STXBP6: variants seen among roughly 807,000 people sequenced by gnomAD.
The protein encoded by STXBP6 is syntaxin binding protein 6.
A neutral mutation model predicts 26.9 loss-of-function variants in STXBP6; 21 were observed. The observed-to-expected ratio is 0.78, with a 90% CI of 0.55 to 1.12. The LOEUF (loss-of-function observed/expected upper bound fraction) is 1.12. STXBP6 is among the 50% of genes most tolerant of loss of function. STXBP6 has a pLI of 0.00. For synonymous variants in STXBP6, 97 were observed against 92.6 expected (o/e 1.05, Z -0.27); for missense variants, 232 against 257.9 (o/e 0.90, Z 0.69).
intron 2 of STXBP6, among the ~76,000 whole-genome samples, chr14:24,971,283 C>T (rs1369267494): frequency 6.6e-6 from 1 of 152,098 alleles, no homozygotes; most frequent in Non-Finnish European, 1.5e-5. Flanking sequence ...ATATGAAACA[C>T]CCATGTCTAG....
chr14:24,916,965 T>C (rs1017700928), intron 2 of STXBP6, among the ~76,000 whole-genome samples: 7 of 152,248 alleles, frequency 4.6e-5, no homozygotes, highest in Admixed American at 2.0e-4. Context: ...TCCTAGACTA[T>C]ACTTTCTTCC....
intron 2 of STXBP6, among the ~76,000 whole-genome samples, chr14:24,943,163 A>G (rs1472485570): frequency 2.0e-5 from 3 of 152,174 alleles, no homozygotes; most frequent in African/African-American, 7.2e-5. Flanking sequence ...TCTGTTTTCA[A>G]TCTCACCGTA....
chr14:24,841,886 T>C (rs191267214), intron 4 of STXBP6, among the ~76,000 whole-genome samples: 31 of 152,358 alleles, frequency 2.0e-4, no homozygotes, highest in African/African-American at 7.2e-4. Flanking sequence ...TCATTTCATT[T>C]GGGGTGAATT....
intron 1 of STXBP6, among the ~76,000 whole-genome samples, chr14:24,999,788 G>C (rs1045741066): frequency 1.3e-5 from 2 of 152,138 alleles, no homozygotes; most frequent in African/African-American, 4.8e-5. Flanking sequence ...CCAAAGCCCA[G>C]AGGGGAGACA....
intron 1 of STXBP6, among the ~76,000 whole-genome samples, chr14:24,985,929 C>G (rs1237545089): frequency 2.6e-5 from 4 of 152,158 alleles, no homozygotes; most frequent in African/African-American, 9.7e-5. Context: ...CAAAGTCACA[C>G]AACAGAAGAG....
chr14:25,039,724 T>C (rs990896178), intron 1 of STXBP6, among the ~76,000 whole-genome samples: 1 of 151,598 alleles, frequency 6.6e-6, no homozygotes, highest in African/African-American at 2.4e-5. Flanking sequence ...TTTTTTTTTT[T>C]GAGACGGAGT....
intron 1 of STXBP6, among the ~76,000 whole-genome samples, chr14:24,994,273 T>C (rs917300439): frequency 5.9e-5 from 9 of 152,310 alleles, no homozygotes; most frequent in Admixed American, 3.3e-4. Flanking sequence ...ATTCTGTACA[T>C]GGCATCTACT....
rs1018977496 is a variant in STXBP6 at position 25,015,735 on chromosome 14, G to A, written c.-33+34143C>T. Among the ~76,000 whole-genome samples the A allele has an allele frequency of 2.0e-5, 3 of 151,208 alleles. No homozygotes were observed. In the South Asian group the frequency reaches 6.2e-4, roughly 31 times the overall value. On this transcript the variant is annotated intron_variant, in intron 1 of 5. Transcript: ENST00000323944. ...TGTTTTCCACACGGGTCTAATTAAA[G>A]TTGATTTAGACTGCATAGTGCCTTT...
chr14:24,841,054 C>T (rs940988994), intron 4 of STXBP6, among the ~76,000 whole-genome samples: 4 of 152,116 alleles, frequency 2.6e-5, no homozygotes, highest in African/African-American at 7.2e-5. Context: ...TGTTTGCAAT[C>T]GTTACAGTTT....
chr14:24,995,445 T>C (rs1033918979), intron 1 of STXBP6, among the ~76,000 whole-genome samples: 17 of 152,120 alleles, frequency 1.1e-4, no homozygotes, highest in African/African-American at 4.1e-4. Flanking sequence ...TTTTTTTGCA[T>C]GAATGGATGA....
At chr14:24,882,766 C>A (rs1238460253) in intron 2 of STXBP6, among the ~76,000 whole-genome samples, 1 of 152,130 alleles carries the variant, frequency 6.6e-6, no homozygotes, top group Non-Finnish European at 1.5e-5. Context: ...AGCCTACCAC[C>A]TCTCCACTAT....
chr14:24,812,489 A>G lies in STXBP6; in HGVS notation c.*220T>C. 1 of 572,654 alleles carries G rather than the reference A, an allele frequency of 1.7e-6. No individual in the cohort carries two copies. The highest frequency in any genetic ancestry group is 3.1e-6 in the Non-Finnish European group (1 of 321,822). 35.5% of individuals were successfully genotyped at this position (572,654 alleles called of 1,614,324 possible). A position where few individuals can be genotyped will look rare whatever the true frequency, so the allele number is the denominator to read the frequency against. ...GGGAGGAGGCAAAAACCCAAAATGA[A>G]GCTGATGCTATTGTAGCATTTATTA... On this transcript the variant is annotated 3_prime_UTR_variant, in exon 6 of 6. Coordinates refer to ENST00000323944, the MANE Select transcript of STXBP6 (RefSeq NM_001394410.1).
intron 2 of STXBP6, among the ~76,000 whole-genome samples, chr14:24,936,513 A>C (rs1056243535): frequency 6.6e-6 from 1 of 152,216 alleles, no homozygotes; most frequent in African/African-American, 2.4e-5. Context: ...ATTTGTAAAG[A>C]ATCTTATAGA....
chr14:24,974,779 G>T lies in STXBP6; in HGVS notation c.40C>A (p.Pro14Thr), dbSNP rs760322169. 1 of 1,608,482 alleles carries T rather than the reference G, an allele frequency of 6.2e-7. No homozygotes were observed. Residue 14 changes from proline to threonine, a missense_variant, in exon 2 of 6, where the codon CCT (proline) becomes ACT (threonine). Pro to Thr is a conservative substitution (Grantham distance 38). Coordinates refer to ENST00000323944, the MANE Select transcript of STXBP6 (RefSeq NM_001394410.1). ...KSAISKEIFA[P>T]LDERMLGAVQ... Reference sequence around the variant, plus strand: ...GCTCCCAGCATCCTTTCATCAAGAGGTGCAAAAATTTCCTTGCTGATAGCA... The same window carrying T: ...GCTCCCAGCATCCTTTCATCAAGAGTTGCAAAAATTTCCTTGCTGATAGCA...
intron 2 of STXBP6, among the ~76,000 whole-genome samples, chr14:24,947,023 A>G (rs1402131571): frequency 6.6e-6 from 1 of 152,192 alleles, no homozygotes; most frequent in African/African-American, 2.4e-5. Context: ...TGCTCTGAAG[A>G]AACAATCTGA....
intron 2 of STXBP6, among the ~76,000 whole-genome samples, chr14:24,922,157 T>C (rs1197531110): frequency 6.6e-6 from 1 of 152,134 alleles, no homozygotes; most frequent in Non-Finnish European, 1.5e-5. Flanking sequence ...CTGACCCTTA[T>C]TTATCTCTTT....
chr14:24,907,983 C>T (rs913505480), intron 2 of STXBP6, among the ~76,000 whole-genome samples: 18 of 152,034 alleles, frequency 1.2e-4, no homozygotes, highest in African/African-American at 4.4e-4. Context: ...GTATCTCACG[C>T]CCACAGCAAC....
intron 2 of STXBP6, among the ~76,000 whole-genome samples, chr14:24,886,584 G>A (rs1375678834): frequency 6.6e-6 from 1 of 152,160 alleles, no homozygotes; most frequent in Non-Finnish European, 1.5e-5. Context: ...GAATTTGGTA[G>A]TATTAATTAC....
At chr14:24,977,137 T>TC (rs139018640) in intron 1 of STXBP6, among the ~76,000 whole-genome samples, 17,330 of 151,942 alleles carry the variant, frequency 0.11, 1,074 homozygotes, top group African/African-American at 0.14. Context: ...GTGCTGGGAT[T>TC]ACAGGCATGA....
Sources: gnomAD v4.1 joint callset for allele counts (sites outside exome capture counted in the v4.1 genomes callset) on GRCh38, gnomAD v4.1.1 for gene constraint, MANE v1.5 for transcripts, NCBI Gene and HGNC (gene_info 2026-07-23, HGNC 2026-07-21) for gene names.